Variants in PARP9 observed in about 807,000 individuals in gnomAD.
PARP9 encodes protein mono-ADP-ribosyltransferase PARP9.
A neutral mutation model predicts 68.8 loss-of-function variants in PARP9; 48 were observed. The ratio of observed to expected loss-of-function variants is 0.70; its 90% CI spans 0.55 to 0.89. PARP9 has a LOEUF of 0.89. PARP9 is among the 40% of genes least tolerant of loss of function. The pLI, the probability that PARP9 is intolerant of heterozygous loss-of-function variation, is 0.00. For synonymous variants in PARP9, 309 were observed against 333.8 expected, an observed-to-expected ratio of 0.93 and a Z score of 0.81; for missense variants, 806 against 969.3, an observed-to-expected ratio of 0.83 and a Z score of 2.24.
chr3:122,560,000 A>T (rs2080050474), intron 1 of PARP9, among the ~76,000 whole-genome samples: 1 of 152,220 alleles, frequency 6.6e-6, no homozygotes, highest in African/African-American at 2.4e-5. Flanking sequence ...GTCATGAAGG[A>T]TGCAGGAGGT....
At chr3:122,553,526 A>T (rs1559862654) in intron 4 of PARP9, among the ~76,000 whole-genome samples, 1 of 152,204 alleles carries the variant, frequency 6.6e-6, no homozygotes, top group Non-Finnish European at 1.5e-5. Context: ...CAATAAATAT[A>T]CCTTAAAAAA....
chr3:122,556,169 A>G (rs2079641820), intron 3 of PARP9, 48 bp from the exon 4 acceptor site: 1 of 1,126,604 alleles, frequency 8.9e-7, no homozygotes, highest in African/African-American at 1.7e-5. Context: ...AAAAAAAAAA[A>G]AAAAGCACAG....
intron 6 of PARP9, among the ~76,000 whole-genome samples, chr3:122,549,048 C>A (rs1220971924): frequency 6.7e-6 from 1 of 148,594 alleles, no homozygotes; most frequent in Non-Finnish European, 1.5e-5. Context: ...GAGTTTCACT[C>A]TTGTTGCCCA....
intron 10 of PARP9, among the ~76,000 whole-genome samples, chr3:122,529,754 A>C (rs56002834): frequency 0.14 from 18,475 of 134,006 alleles, 827 homozygotes; most frequent in Middle Eastern, 0.27. Flanking sequence ...ACTCCGTCCC[A>C]AAAAAAAAAA....
chr3:122,554,684 C>G (rs1392638704), intron 4 of PARP9, among the ~76,000 whole-genome samples: 1 of 152,116 alleles, frequency 6.6e-6, no homozygotes, highest in Non-Finnish European at 1.5e-5. Flanking sequence ...TAATAAATAG[C>G]AAAGCTGGTA....
chr3:122,540,306 G>A (rs376904785), intron 8 of PARP9, among the ~76,000 whole-genome samples, 166 bp downstream of exon 8: 1 of 152,136 alleles, frequency 6.6e-6, no homozygotes, highest in Non-Finnish European at 1.5e-5. Flanking sequence ...TGTCAAAAGA[G>A]AGCAAAAAAA....
In PARP9 at chr3:122,540,455, G is replaced by GATAGAAAGTTACTCACCTAACGAGCGCC; in HGVS notation, c.1754_1765+16dup. ...ATGGGGAGAATTTACTTTCTAATTTGATAGAAAGTTACTCACCTAACGAGC... is the reference window on the plus strand; with the variant it reads ...ATGGGGAGAATTTACTTTCTAATTTGATAGAAAGTTACTCACCTAACGAGCGCCATAGAAAGTTACTCACCTAACGAGC... On this transcript the variant is annotated intron_variant, in intron 8 of 10. Transcript: ENST00000682323. The GATAGAAAGTTACTCACCTAACGAGCGCC allele has an allele frequency of 6.2e-7, 1 of 1,606,384 alleles. No individual in the cohort carries two copies. Among genetic ancestry groups the GATAGAAAGTTACTCACCTAACGAGCGCC allele is most frequent in the Non-Finnish European group, 8.5e-7 (1 of 1,176,088 alleles).
chr3:122,563,640 C>G (rs1270449673), intron 1 of PARP9, among the ~76,000 whole-genome samples: 1 of 152,100 alleles, frequency 6.6e-6, no homozygotes, highest in African/African-American at 2.4e-5. Context: ...CCTCTCCTCC[C>G]AGGCCCCAGG....
In PARP9 at chr3:122,555,606, C is replaced by A. The variant is rs757246706; in HGVS notation, c.565G>T (p.Val189Phe). The change falls in exon 4 of 11, where the codon GTC (valine) becomes TTC (phenylalanine). Residue 189 changes from valine (V) to phenylalanine (F), a missense_variant. This residue lies in a region of PARP9 where 680 missense variants were observed against 858.8 expected (regional missense o/e 0.79). Transcript: ENST00000682323. ...QRAIVSILNYVIYKNTHIKTV... is the reference protein window; with the variant it reads ...QRAIVSILNYFIYKNTHIKTV... ...TTAATGTGAGTATTTTTATAGATGA[C>A]ATAATTCAGAATACTTACAATGGCC... 6.2e-7 allele frequency: 1 copy of A among 1,614,062 alleles called. No homozygotes were observed. The highest frequency in any genetic ancestry group is 8.5e-7 in the Non-Finnish European group (1 of 1,180,040).
chr3:122,541,603 GAAT>G (rs1453731262), intron 7 of PARP9, among the ~76,000 whole-genome samples: 3 of 152,146 alleles, frequency 2.0e-5, no homozygotes, highest in African/African-American at 7.2e-5. Flanking sequence ...CTGATTTTAA[GAAT>G]AATACATGTT....
At chr3:122,560,363 C>T (rs1191404731) in intron 1 of PARP9, among the ~76,000 whole-genome samples, 5 of 151,890 alleles carry the variant, frequency 3.3e-5, no homozygotes, top group Admixed American at 6.6e-5. Context: ...ATTTAGGCCT[C>T]GAAATGATTT....
At chr3:122,535,660 G>T in intron 10 of PARP9, 1 of 986,532 alleles carries the variant, frequency 1.0e-6, no homozygotes, top group Non-Finnish European at 1.2e-6. Flanking sequence ...GGATGAAGAG[G>T]ATCTTAAGAT....
chr3:122,556,068 C>T lies in PARP9; in HGVS notation c.103G>A (p.Asp35Asn). The T allele has an allele frequency of 6.8e-7, 1 of 1,475,900 alleles. No homozygotes were observed. Among genetic ancestry groups the T allele is most frequent in the Non-Finnish European group, 9.1e-7 (1 of 1,096,502 alleles). The allele number at this position is 1,475,900 out of a possible 1,614,324, so 91.4% of individuals were successfully genotyped here. The change falls in exon 4 of 11, where the codon GAC (aspartate) becomes AAC (asparagine). Residue 35 changes from aspartate (D) to asparagine (N), a missense_variant. Around this residue, in one of 2 missense-constraint regions of PARP9, gnomAD observed 126 missense variants for 110.5 expected, o/e 1.14. Transcript: ENST00000682323. The part of the protein sequence containing the change: ...YSWQIPINHN[D>N]FKILKNNERQ... The stretch of plus-strand genomic sequence containing the variant: ...TCATTATTTTTTAAAATTTTGAAGT[C>T]ATTGTGGTTAATGGGAATTTGCCAA...
chr3:122,537,063 A>G lies in PARP9; in HGVS notation c.1776T>C (p.Thr592=). ...RGLWRSLGQW[T]IQQQKTQDEM... The stretch of plus-strand genomic sequence containing the variant: ...CGTCTTGGGTTTTTTGTTGCTGAAT[A>G]GTCCACTGTCCTAAAAATGAGTAAC... The change falls in exon 9 of 11, where the codon ACT becomes ACC. Residue 592 remains threonine, a synonymous_variant. Transcript: ENST00000682323. The G allele has an allele frequency of 6.2e-7, 1 of 1,612,002 alleles. No individual in the cohort carries two copies. The highest frequency in any genetic ancestry group is 8.5e-7 in the Non-Finnish European group (1 of 1,179,206).
intron 9 of PARP9, 97 bp from the exon 10 acceptor site, chr3:122,536,439 TA>T (rs1318137260): frequency 5.3e-6 from 8 of 1,501,178 alleles, no homozygotes; most frequent in Non-Finnish European, 7.1e-6. Context: ...CTTATGTGCA[TA>T]ATACTACTTT....
At chr3:122,550,302 C>T (rs2079096489) in intron 6 of PARP9, among the ~76,000 whole-genome samples, 1 of 152,162 alleles carries the variant, frequency 6.6e-6, no homozygotes, top group South Asian at 2.1e-4. Flanking sequence ...TGGTCTAGAA[C>T]TCCCGACCTC....
Position 122,555,779 on chromosome 3 carries a change from T to G in PARP9, c.392A>C (p.Lys131Thr). ...TTTACCATATCTGGCAACAAACTGTTTGCTCTCTTCTTGGATTTCAAATCC... is the reference window on the plus strand; with the variant it reads ...TTTACCATATCTGGCAACAAACTGTGTGCTCTCTTCTTGGATTTCAAATCC... ...AGGFEIQEES[K>T]QFVARYGKVS... The change falls in exon 4 of 11, where the codon AAA (lysine) becomes ACA (threonine). Residue 131 changes from lysine to threonine, a missense_variant. By Grantham distance (78) the Lys-to-Thr change is moderately conservative. Coordinates refer to ENST00000682323, the MANE Select transcript of PARP9 (RefSeq NM_001146105.2). 1 of 1,614,032 alleles carries G rather than the reference T, an allele frequency of 6.2e-7. No individual in the cohort carries two copies. The highest frequency in any genetic ancestry group is 2.2e-5 in the East Asian group (1 of 44,868).
intron 10 of PARP9, chr3:122,532,199 G>C (rs999789680): frequency 2.0e-6 from 2 of 985,302 alleles, no homozygotes; most frequent in African/African-American, 3.5e-5. Context: ...GGATGAACAT[G>C]CTCAAAAATT....
At chr3:122,540,349 C>T in intron 8 of PARP9, 123 bp downstream of exon 8, 3 of 1,244,846 alleles carry the variant, frequency 2.4e-6, no homozygotes, top group Non-Finnish European at 3.3e-6. Context: ...TAACAAAGAA[C>T]CAGAATGTTT....
Sources: gnomAD v4.1 joint callset for allele counts (sites outside exome capture counted in the v4.1 genomes callset) on GRCh38, gnomAD v4.1.1 for gene constraint, gnomAD v4.1.1 regional missense constraint, MANE v1.5 for transcripts, NCBI Gene and HGNC (gene_info 2026-07-23, HGNC 2026-07-21) for gene names.